Variants in EYS observed in about 807,000 individuals in gnomAD.
EYS encodes protein eyes shut homolog.
A neutral mutation model predicts 282.1 loss-of-function variants in EYS; 250 were observed. The observed-to-expected ratio is 0.89, with a 90% CI of 0.80 to 0.98. The LOEUF is 0.98. EYS is among the 50% of genes least tolerant of loss of function. The pLI is 0.00. For synonymous variants in EYS, 1,355 were observed against 1,282.9 expected (o/e 1.06, Z -1.20); for missense variants, 4,016 against 3,709.0 (o/e 1.08, Z -2.15).
chr6:63,778,164 A>C lies in EYS; in HGVS notation c.7740T>G (p.Leu2580=). The part of the protein sequence containing the change: ...KNGFQGCIFT[L]QVRTEKDGHF... ...GGCCATCCTTCTCAGTGCGAACTTG[A>C]AGAGTGAAAATACAGCCTTGAAGAA... Residue 2580 remains leucine, a synonymous_variant, in exon 40 of 43, where the codon CTT becomes CTG. Coordinates refer to ENST00000503581, the MANE Select transcript of EYS (RefSeq NM_001142800.2). 6.4e-7 allele frequency: 1 copy of C among 1,551,880 alleles called. No homozygotes were observed. The highest frequency in any genetic ancestry group is 8.7e-7 in the Non-Finnish European group (1 of 1,146,954).
At chr6:63,894,362 A>T (rs1381638262) in intron 35 of EYS, among the ~76,000 whole-genome samples, 2 of 152,128 alleles carry the variant, frequency 1.3e-5, no homozygotes, top group African/African-American at 4.8e-5. Flanking sequence ...ACGCAGACAT[A>T]CAGAGACGTC....
intron 41 of EYS, 116 bp downstream of exon 41, chr6:63,762,343 CAG>C: frequency 1.1e-6 from 1 of 901,280 alleles, no homozygotes; most frequent in South Asian, 1.7e-5. Context: ...AAAAAGAGGA[CAG>C]TGGATTTGAA....
chr6:65,671,906 C>A (rs1325470176), intron 1 of EYS, among the ~76,000 whole-genome samples: 1 of 152,140 alleles, frequency 6.6e-6, no homozygotes, highest in Non-Finnish European at 1.5e-5. Context: ...CTATTTGAAT[C>A]TAAGTGCTGA....
chr6:64,264,802 G>A (rs1411304854), intron 30 of EYS, among the ~76,000 whole-genome samples: 3 of 152,026 alleles, frequency 2.0e-5, no homozygotes, highest in Non-Finnish European at 4.4e-5. Context: ...TATTCAAGAG[G>A]CTGAGGCAGA....
At chr6:64,339,594 A>C (rs1771011775) in intron 29 of EYS, among the ~76,000 whole-genome samples, 1 of 151,950 alleles carries the variant, frequency 6.6e-6, no homozygotes, top group African/African-American at 2.4e-5. Flanking sequence ...AACGAAAAGT[A>C]GAACTACCAT....
chr6:63,930,808 G>A (rs565487139), intron 35 of EYS, among the ~76,000 whole-genome samples: 4 of 152,016 alleles, frequency 2.6e-5, no homozygotes, highest in Admixed American at 6.5e-5. Flanking sequence ...TAATGAGGCC[G>A]TGTTTCCAAA....
intron 1 of EYS, among the ~76,000 whole-genome samples, chr6:65,668,204 C>A (rs191211517): frequency 6.6e-6 from 1 of 151,950 alleles, no homozygotes; most frequent in Admixed American, 6.6e-5. Flanking sequence ...TTACTTGAAT[C>A]AATGATTAGT....
chr6:64,714,047 T>C (rs1334118942), intron 22 of EYS, among the ~76,000 whole-genome samples: 1 of 152,218 alleles, frequency 6.6e-6, no homozygotes, highest in Non-Finnish European at 1.5e-5. Flanking sequence ...AAGCTAAATA[T>C]GTTGGTATTT....
intron 13 of EYS, among the ~76,000 whole-genome samples, chr6:65,012,084 A>G (rs967898122): frequency 6.6e-6 from 1 of 152,258 alleles, no homozygotes; most frequent in African/African-American, 2.4e-5. Flanking sequence ...TCTCAAAACA[A>G]GTAAATGATG....
chr6:64,160,140 T>C (rs1470359907), intron 31 of EYS, among the ~76,000 whole-genome samples: 1 of 152,190 alleles, frequency 6.6e-6, no homozygotes, highest in Non-Finnish European at 1.5e-5. Flanking sequence ...GTCCACTCAA[T>C]AATTATAATC....
At chr6:64,282,172 C>G (rs75243857) in intron 30 of EYS, among the ~76,000 whole-genome samples, 2 of 152,132 alleles carry the variant, frequency 1.3e-5, no homozygotes, top group East Asian at 3.9e-4. Context: ...TTTTAATTAG[C>G]CAGTAGAAGG....
At chr6:64,719,556 C>A (rs1335171253) in intron 22 of EYS, among the ~76,000 whole-genome samples, 2 of 152,126 alleles carry the variant, frequency 1.3e-5, no homozygotes, top group African/African-American at 4.8e-5. Flanking sequence ...GAAACCTTGG[C>A]AAGAAGGAGA....
intron 8 of EYS, among the ~76,000 whole-genome samples, chr6:65,377,564 CA>C (rs1220332031): frequency 6.6e-6 from 1 of 151,680 alleles, no homozygotes; most frequent in Non-Finnish European, 1.5e-5. Flanking sequence ...AAAAACCCTT[CA>C]AAAAATCATT....
At chr6:64,382,350 C>A (rs1322142840) in intron 29 of EYS, among the ~76,000 whole-genome samples, 1 of 152,054 alleles carries the variant, frequency 6.6e-6, no homozygotes, top group Non-Finnish European at 1.5e-5. Flanking sequence ...ACTTGGTAAC[C>A]TTCCCTACAA....
chr6:63,861,001 T>C (rs1472547944), intron 36 of EYS, among the ~76,000 whole-genome samples: 1 of 152,228 alleles, frequency 6.6e-6, no homozygotes, highest in African/African-American at 2.4e-5. Flanking sequence ...AAACACCACC[T>C]TTATTTTAAT....
intron 35 of EYS, among the ~76,000 whole-genome samples, chr6:63,912,791 C>T (rs2780941): frequency 0.7 from 104,616 of 149,248 alleles, 36,735 homozygotes; most frequent in Non-Finnish European, 0.73. Context: ...ACCCGCCCCC[C>T]CGACTTGCTC....
intron 8 of EYS, among the ~76,000 whole-genome samples, chr6:65,361,950 AC>A (rs1237787261): frequency 1.3e-5 from 2 of 152,190 alleles, no homozygotes; most frequent in Non-Finnish European, 2.9e-5. Context: ...AGAAATGTAC[AC>A]TATTCTAAAA....
At chr6:64,030,883 CACT>C (rs1482770667) in intron 33 of EYS, among the ~76,000 whole-genome samples, 5 of 152,234 alleles carry the variant, frequency 3.3e-5, no homozygotes, top group Non-Finnish European at 7.3e-5. Context: ...CTCTGGAGGA[CACT>C]ACAACTGCAG....
In EYS at chr6:64,143,356, T is replaced by TAA. The variant is rs60699526; in HGVS notation, c.6425-61356_6425-61355dup. On this transcript the variant is annotated intron_variant, in intron 31 of 42. Transcript: ENST00000503581. ...TGTGTAAATGCAGGTTCATTTATTG[T>TAA]AAAAAAAAAAAAAAAAAAAAAAAAA... Among the ~76,000 whole-genome samples the TAA allele has an allele frequency of 9.9e-4, 89 of 89,812 alleles. 1 individual carries two copies. Among genetic ancestry groups the TAA allele is most frequent in the East Asian group, 3.7e-3 (11 of 2,938 alleles). 58.9% of individuals were successfully genotyped at this position (89,812 alleles called of 152,430 possible). A position where few individuals can be genotyped will look rare whatever the true frequency, so the allele number is the denominator to read the frequency against.
Sources: allele counts gnomAD v4.1 joint callset (sites outside exome capture counted in the v4.1 genomes callset), GRCh38; gene constraint gnomAD v4.1.1; transcripts MANE v1.5; gene names NCBI Gene and HGNC (gene_info 2026-07-23, HGNC 2026-07-21).